Variants in RGPD4 observed in about 807,000 individuals in gnomAD.
RGPD4 encodes ranBP2-like and GRIP domain-containing protein 4.
A neutral mutation model predicts 141.1 loss-of-function variants in RGPD4; 84 were observed. The ratio of observed to expected loss-of-function variants is 0.60; its 90% CI spans 0.50 to 0.71. The LOEUF (loss-of-function observed/expected upper bound fraction) is 0.71. RGPD4 is among the 30% of genes least tolerant of loss of function. RGPD4 has a pLI of 0.00. For missense variants in RGPD4, 918 were observed against 1,622.4 expected (o/e 0.57, Z 7.46); for synonymous variants, 298 against 566.8 (o/e 0.53, Z 6.74).
chr2:107,846,574 C>T (rs1681954731), intron 6 of RGPD4, among the ~76,000 whole-genome samples: 1 of 150,090 alleles, frequency 6.7e-6, no homozygotes, highest in Non-Finnish European at 1.5e-5. Flanking sequence ...TCAAGCGATT[C>T]TCCTGCCTCA....
chr2:107,845,259 G>C (rs1325195972), intron 6 of RGPD4, among the ~76,000 whole-genome samples: 18 of 59,988 alleles, frequency 3.0e-4, no homozygotes, highest in African/African-American at 1.1e-3. Context: ...TTTTTTTTGA[G>C]ACAGAGTCTC....
intron 8 of RGPD4, among the ~76,000 whole-genome samples, 169 bp downstream of exon 8, chr2:107,854,812 A>T (rs559235058): frequency 9.9e-5 from 15 of 152,082 alleles, no homozygotes; most frequent in African/African-American, 3.6e-4. Context: ...GAAATAGCAC[A>T]TTCTTTTAAA....
At chr2:107,833,790 G>A (rs543694380) in intron 1 of RGPD4, among the ~76,000 whole-genome samples, 4 of 152,258 alleles carry the variant, frequency 2.6e-5, no homozygotes, top group Admixed American at 6.5e-5. Flanking sequence ...TGTAATCCCA[G>A]CATTTTGGGA....
intron 6 of RGPD4, among the ~76,000 whole-genome samples, chr2:107,844,841 T>TG (rs1681865254): frequency 2.0e-5 from 2 of 98,944 alleles, no homozygotes; most frequent in South Asian, 3.8e-4. Flanking sequence ...TTTTTTTTTT[T>TG]TTTTTTTTTT....
chr2:107,871,809 C>G lies in RGPD4; in HGVS notation c.3805C>G (p.His1269Asp), dbSNP rs757090923. 3.7e-6 allele frequency: 6 copies of G among 1,611,414 alleles called. No individual in the cohort carries two copies. In the Admixed American group the frequency reaches 6.7e-5, roughly 18 times the overall value. The change falls in exon 20 of 23, where the codon CAT becomes GAT. Residue 1269 changes from histidine to aspartate, a missense_variant. His to Asp is a moderately conservative substitution (Grantham distance 81, BLOSUM62 -1). Transcript: ENST00000408999. Reference sequence around the variant, plus strand: ...TGATAGTGTCAGTAGTAGCTCAGTACATGCTTCTCCATTGGCAAGTAGCCC... The same window carrying G: ...TGATAGTGTCAGTAGTAGCTCAGTAGATGCTTCTCCATTGGCAAGTAGCCC... ...LDDSVSSSSV[H>D]ASPLASSPVR... is the part of the protein sequence containing the mutation.
chr2:107,849,379 T>C (rs1180430176), intron 7 of RGPD4, among the ~76,000 whole-genome samples: 26 of 107,654 alleles, frequency 2.4e-4, no homozygotes, highest in Non-Finnish European at 3.8e-4. Flanking sequence ...TTTTTTTTTT[T>C]TTTTTGAGAC....
chr2:107,882,613 C>G (rs1675399227), intron 21 of RGPD4, 59 bp from the exon 22 acceptor site: 1 of 1,452,436 alleles, frequency 6.9e-7, no homozygotes, highest in Non-Finnish European at 9.6e-7. Flanking sequence ...TGAGTTCAGT[C>G]TGCCATATTT....
chr2:107,890,926 A>G lies in RGPD4; in HGVS notation c.*195A>G. On this transcript the variant is annotated 3_prime_UTR_variant, in exon 23 of 23. Transcript: ENST00000408999. ...ATATATTTGTACATCTATATGACAGATGTATTTTAAAAGTTTCAACTTGAA... is the reference window on the plus strand; with the variant it reads ...ATATATTTGTACATCTATATGACAGGTGTATTTTAAAAGTTTCAACTTGAA... The G allele has an allele frequency of 1.5e-6, 1 of 649,748 alleles. No individual in the cohort carries two copies. The highest frequency in any genetic ancestry group is 2.1e-5 in the South Asian group (1 of 48,124). The allele number at this position is 649,748 out of a possible 1,614,324, so 40.2% of individuals were successfully genotyped here. A position where few individuals can be genotyped will look rare whatever the true frequency, so the allele number is the denominator to read the frequency against.
Position 107,829,407 on chromosome 2 carries a change from C to G in RGPD4, c.72+2322C>G, listed in dbSNP as rs548980788. Among the ~76,000 whole-genome samples the G allele has an allele frequency of 2.4e-4, 6 of 24,528 alleles. 1 individual carries two copies. The South Asian group carries it at 9.3e-3, about 38-fold the overall frequency. The allele number at this position is 24,528 out of a possible 152,430, so 16.1% of individuals were successfully genotyped here. ...TCGATGGCTCAGGCGTCATGGCTAC[C>G]GACGGGCGCTGCTCCCTGGCGCGCT... On this transcript the variant is annotated intron_variant, in intron 1 of 22. Transcript: ENST00000408999.
At chr2:107,880,359 G>A (rs1478842594) in intron 21 of RGPD4, among the ~76,000 whole-genome samples, 1 of 129,154 alleles carries the variant, frequency 7.7e-6, no homozygotes, top group East Asian at 2.2e-4. Context: ...CACCTCCCAG[G>A]TTCACGCCAT....
intron 2 of RGPD4, among the ~76,000 whole-genome samples, chr2:107,837,107 CT>C (rs975097159): frequency 7.0e-6 from 1 of 142,202 alleles, no homozygotes; most frequent in Non-Finnish European, 1.5e-5. Flanking sequence ...CTCTAAGGCT[CT>C]ATCCTAGGGA....
intron 20 of RGPD4, among the ~76,000 whole-genome samples, chr2:107,874,858 G>A (rs981089589): frequency 1.1e-4 from 16 of 151,422 alleles, no homozygotes; most frequent in East Asian, 5.8e-4. Context: ...TGTATCTTAC[G>A]GTGTACTGTT....
At chr2:107,846,392 T>C (rs1306936268) in intron 6 of RGPD4, among the ~76,000 whole-genome samples, 1 of 151,916 alleles carries the variant, frequency 6.6e-6, no homozygotes, top group Non-Finnish European at 1.5e-5. Context: ...TGTCAGTGTT[T>C]ATTACATTAG....
chr2:107,866,888 G>A lies in RGPD4; in HGVS notation c.2605+563G>A, dbSNP rs553910944. On this transcript the variant is annotated intron_variant, in intron 18 of 22. Coordinates refer to ENST00000408999, the MANE Select transcript of RGPD4 (RefSeq NM_182588.3). ...ATAATTACTATGAGCATTTGTGTAT[G>A]TGCAGGTGGGCATGGGTGTGTATCA... Among the ~76,000 whole-genome samples the A allele has an allele frequency of 3.2e-3, 478 of 149,330 alleles. 5 individuals carry two copies. Among genetic ancestry groups the A allele is most frequent in the Middle Eastern group, 3.4e-3 (1 of 294 alleles).
At chr2:107,880,167 T>C in intron 21 of RGPD4, 60 bp downstream of exon 21, 2 of 1,601,690 alleles carry the variant, frequency 1.2e-6, no homozygotes, top group South Asian at 1.1e-5. Context: ...GGACCCTCCA[T>C]ACACATGTAC....
chr2:107,872,137 G>A lies in RGPD4; in HGVS notation c.4133G>A (p.Gly1378Asp), dbSNP rs763630927. 3 of 1,611,400 alleles carry A rather than the reference G, an allele frequency of 1.9e-6. No homozygotes were observed. Among genetic ancestry groups the A allele is most frequent in the Admixed American group, 3.3e-5 (2 of 59,946 alleles). ...DKDVGQWKER[G>D]IGDIKILQNY... is the part of the protein sequence containing the mutation. ...GATGTTGGTCAATGGAAAGAAAGGG[G>A]CATTGGTGATATAAAGATTTTACAG... The change falls in exon 20 of 23, where the codon GGC becomes GAC. Residue 1378 changes from glycine to aspartate, a missense_variant. Gly to Asp is a moderately conservative substitution (Grantham distance 94). Transcript: ENST00000408999.
chr2:107,866,788 A>T (rs1206309725), intron 18 of RGPD4, among the ~76,000 whole-genome samples: 1 of 111,366 alleles, frequency 9.0e-6, no homozygotes, highest in Non-Finnish European at 2.0e-5. Flanking sequence ...TGGGTTTTTA[A>T]GTTCTGCTCT....
At chr2:107,884,579 A>T (rs2581010) in intron 22 of RGPD4, among the ~76,000 whole-genome samples, 1 of 147,144 alleles carries the variant, frequency 6.8e-6, no homozygotes, top group Admixed American at 6.9e-5. Context: ...AGGTGCAATT[A>T]GGTGGGATGG....
chr2:107,852,016 G>T (rs867219091), intron 7 of RGPD4, among the ~76,000 whole-genome samples: 1 of 151,268 alleles, frequency 6.6e-6, no homozygotes, highest in East Asian at 2.0e-4. Flanking sequence ...TGAGGCGGGC[G>T]GATCACTTGA....
Sources: allele counts gnomAD v4.1 joint callset (sites outside exome capture counted in the v4.1 genomes callset), GRCh38; gene constraint gnomAD v4.1.1; transcripts MANE v1.5; gene names NCBI Gene and HGNC (gene_info 2026-07-23, HGNC 2026-07-21).